Variants in DNAI2 observed in about 807,000 individuals in gnomAD.
The protein encoded by DNAI2 is dynein, axonemal, intermediate polypeptide 2.
In DNAI2, 63 loss-of-function variants were observed where a neutral mutation model predicts 74.7. The ratio of observed to expected loss-of-function variants is 0.84; its 90% CI spans 0.69 to 1.04. The LOEUF is 1.04. DNAI2 is among the 50% of genes least tolerant of loss of function. The pLI, the probability that DNAI2 is intolerant of heterozygous loss-of-function variation, is 0.00. For missense variants in DNAI2, 688 were observed against 803.2 expected, an observed-to-expected ratio of 0.86 and a Z score of 1.73; for synonymous variants, 289 against 314.9, an observed-to-expected ratio of 0.92 and a Z score of 0.87.
At chr17:74,305,122 C>T (rs1367451554) in intron 8 of DNAI2, 97 bp from the exon 9 acceptor site, 19 of 1,279,156 alleles carry the variant, frequency 1.5e-5, no homozygotes, top group South Asian at 1.1e-4. Flanking sequence ...GCCTTTCTAG[C>T]GCCTGCAGAC....
chr17:74,292,158 C>G (rs569096282), intron 6 of DNAI2, among the ~76,000 whole-genome samples: 2 of 152,226 alleles, frequency 1.3e-5, no homozygotes, highest in Non-Finnish European at 2.9e-5. Context: ...AGCCACCATG[C>G]CTGGCCGCTA....
chr17:74,290,091 G>A (rs1029108736), intron 5 of DNAI2, among the ~76,000 whole-genome samples: 3 of 152,208 alleles, frequency 2.0e-5, no homozygotes, highest in Admixed American at 6.5e-5. Context: ...CAAGGCAGGT[G>A]GATCACCTGA....
intron 1 of DNAI2, among the ~76,000 whole-genome samples, chr17:74,279,836 T>C (rs549990106): frequency 6.6e-6 from 1 of 152,180 alleles, no homozygotes; most frequent in Non-Finnish European, 1.5e-5. Context: ...GCCTAATCTC[T>C]TGGGCGTTGA....
Position 74,281,037 on chromosome 17 carries a change from T to C in DNAI2, c.-11-770T>C, listed in dbSNP as rs895068393. On this transcript the variant is annotated intron_variant, in intron 1 of 13. Transcript: ENST00000311014. ...CGGGGGTTGAGGCTGCAGTGAGCTG[T>C]GAGCACACCACTGCACTCCAGCCTG... Among the ~76,000 whole-genome samples, 9 of 132,754 alleles carry C rather than the reference T, an allele frequency of 6.8e-5. No individual in the cohort carries two copies. The Admixed American group carries it at 7.8e-4, about 11-fold the overall frequency. The allele number at this position is 132,754 out of a possible 152,430, so 87.1% of individuals were successfully genotyped here.
chr17:74,303,801 A>C (rs1276790689), intron 8 of DNAI2, among the ~76,000 whole-genome samples: 1 of 152,030 alleles, frequency 6.6e-6, no homozygotes, highest in African/African-American at 2.4e-5. Context: ...CTGCATAATA[A>C]AACAATATGT....
In DNAI2 at chr17:74,286,427, TTTG is replaced by T. The variant is rs553289286; in HGVS notation, c.346-540_346-538del. ...AATGGCCTTCTGCCTCCATAAAATG[TTTG>T]TTGTTGTTGAGACAGAGTCTCATTC... On this transcript the variant is annotated intron_variant, in intron 3 of 13. Transcript: ENST00000311014. Among the ~76,000 whole-genome samples, 58 of 152,028 alleles carry T rather than the reference TTTG, an allele frequency of 3.8e-4. No homozygotes were observed. In the East Asian group the frequency reaches 0.011, roughly 28 times the overall value.
At chr17:74,295,355 T>C (rs1186639355) in intron 6 of DNAI2, among the ~76,000 whole-genome samples, 1 of 152,112 alleles carries the variant, frequency 6.6e-6, no homozygotes, top group Non-Finnish European at 1.5e-5. Context: ...TAAGTTGAGA[T>C]TGTGCCACTG....
intron 2 of DNAI2, among the ~76,000 whole-genome samples, chr17:74,284,494 C>T (rs1384738293): frequency 1.3e-5 from 2 of 152,038 alleles, no homozygotes. Context: ...CTCACTGCAA[C>T]CTCTGCCTCC....
rs1449115785 is a variant in DNAI2, at chr17:74,283,574, C to T, written c.184-1466C>T. On this transcript the variant is annotated intron_variant, in intron 2 of 13. Transcript: ENST00000311014. ...AGTGAGCTGTGATTGCACCACTGCA[C>T]TCCAGCTTGGGCAACAGAATGAGAC... Among the ~76,000 whole-genome samples, 11 of 152,106 alleles carry T rather than the reference C, an allele frequency of 7.2e-5. No individual in the cohort carries two copies. The East Asian group carries it at 2.1e-3, about 29-fold the overall frequency.
intron 5 of DNAI2, 135 bp downstream of exon 5, chr17:74,289,871 A>C: frequency 9.6e-7 from 1 of 1,042,542 alleles, no homozygotes; most frequent in Non-Finnish European, 1.4e-6. Context: ...CCCGCAGTCG[A>C]GGAGGAACAC....
At chr17:74,287,713 G>T (rs528004510) in intron 4 of DNAI2, among the ~76,000 whole-genome samples, 1 of 152,314 alleles carries the variant, frequency 6.6e-6, no homozygotes, top group South Asian at 2.1e-4. Flanking sequence ...CCAGCACTTT[G>T]GGAGGCCAAG....
rs961970170 is a variant in DNAI2 at position 74,308,688 on chromosome 17, A to AT, written c.1212-558dup. 4.6e-5 allele frequency among the ~76,000 whole-genome samples: 7 copies of AT among 152,128 alleles called. No individual in the cohort carries two copies. In the South Asian group the frequency reaches 8.3e-4, roughly 18 times the overall value. ...AGGTGCTCACCACCACACCCGGCTA[A>AT]TTTTTTTATTTTTTGTAGAAACAGG... On this transcript the variant is annotated intron_variant, in intron 9 of 13. Transcript: ENST00000311014.
chr17:74,302,046 GGAAGGAAGGAAGGAAGGAAGGAAA>G, intron 8 of DNAI2, among the ~76,000 whole-genome samples: 1 of 24,064 alleles, frequency 4.2e-5, no homozygotes, highest in African/African-American at 2.6e-4. Flanking sequence ...AAGGAAGGAA[GGAAGGAAGGAAGGAAGGAAGGAAA>G]GAAGGAAGGA....
At chr17:74,304,161 C>CTTTTCTTTTTTCT (rs1344347441) in intron 8 of DNAI2, among the ~76,000 whole-genome samples, 75 of 97,838 alleles carry the variant, frequency 7.7e-4, no homozygotes, top group African/African-American at 2.6e-3. Context: ...TTTTTCTTTT[C>CTTTTCTTTTTTCT]TTTTCTTTTT....
chr17:74,308,854 A>C (rs1250518527), intron 9 of DNAI2, among the ~76,000 whole-genome samples: 2 of 152,072 alleles, frequency 1.3e-5, no homozygotes, highest in African/African-American at 2.4e-5. Flanking sequence ...ACCTGAGGTC[A>C]AGAGTTTGAG....
intron 11 of DNAI2, 45 bp downstream of exon 11, chr17:74,310,208 C>T (rs1278487082): frequency 2.5e-6 from 4 of 1,603,042 alleles, no homozygotes; most frequent in Non-Finnish European, 3.4e-6. Flanking sequence ...CACGTCCCGA[C>T]CTGGCCCCAC....
Position 74,312,002 on chromosome 17 carries a change from G to T in DNAI2, c.1495-1G>T. On this transcript the variant is annotated splice_acceptor_variant, in intron 11 of 13. Transcript: ENST00000311014. LOFTEE classifies it high-confidence loss of function. Reference sequence around the variant, plus strand: ...GGCTCTCTCTGTCCCTGGGTGCCCAGATGTTTGAGCGTGAGACCCGGCGAG... The same window carrying T: ...GGCTCTCTCTGTCCCTGGGTGCCCATATGTTTGAGCGTGAGACCCGGCGAG... 1.2e-6 allele frequency: 2 copies of T among 1,611,362 alleles called. No homozygotes were observed. The highest frequency in any genetic ancestry group is 1.7e-6 in the Non-Finnish European group (2 of 1,179,650).
chr17:74,281,669 A>C (rs753068722), intron 1 of DNAI2, 138 bp from the exon 2 acceptor site: 1 of 774,170 alleles, frequency 1.3e-6, no homozygotes, highest in Non-Finnish European at 2.1e-6. Context: ...CTTCTGGACA[A>C]ATTCCTAGGA....
At chr17:74,299,594 C>A in intron 6 of DNAI2, 124 bp from the exon 7 acceptor site, 1 of 1,300,714 alleles carries the variant, frequency 7.7e-7, no homozygotes, top group East Asian at 2.4e-5. Context: ...GAACCAAGCC[C>A]TGATTCTAGA....
Sources: gnomAD v4.1 joint callset for allele counts (sites outside exome capture counted in the v4.1 genomes callset) on GRCh38, gnomAD v4.1.1 for gene constraint, MANE v1.5 for transcripts, NCBI Gene and HGNC (gene_info 2026-07-23, HGNC 2026-07-21) for gene names.